Variants in BIVM observed in about 807,000 individuals in gnomAD.
BIVM encodes basic, immunoglobulin-like variable motif containing, also known as basic immunoglobulin-like variable motif-containing protein.
A neutral mutation model predicts 61.4 loss-of-function variants in BIVM; 31 were observed. The ratio of observed to expected loss-of-function variants is 0.51; its 90% CI spans 0.38 to 0.68. The LOEUF (loss-of-function observed/expected upper bound fraction) is 0.68, where lower values mean the gene tolerates loss of function less well. Ranked by LOEUF, BIVM falls within the 30% of genes least tolerant of loss-of-function variation. The pLI, the probability that BIVM is intolerant of heterozygous loss-of-function variation, is 0.00. For synonymous variants in BIVM, 189 were observed against 210.7 expected, an observed-to-expected ratio of 0.90 and a Z score of 0.89; for missense variants, 526 against 596.0, an observed-to-expected ratio of 0.88 and a Z score of 1.22.
chr13:102,838,333 G>A lies in BIVM; in HGVS notation c.1122-310G>A, dbSNP rs139736471. ...CATTCTTTTAAAAGTGGACTTGACT[G>A]TAATTGAAAAGGAAATATAGCATAT... On this transcript the variant is annotated intron_variant, in intron 9 of 10. Coordinates refer to ENST00000257336, the MANE Select transcript of BIVM (RefSeq NM_017693.4). Among the ~76,000 whole-genome samples the A allele has an allele frequency of 2.0e-3, 307 of 152,286 alleles. 2 individuals are homozygous for A. The highest frequency in any genetic ancestry group is 6.8e-3 in the Middle Eastern group (2 of 294).
intron 4 of BIVM, among the ~76,000 whole-genome samples, chr13:102,819,214 TA>T (rs1164575051): frequency 6.6e-6 from 1 of 152,094 alleles, no homozygotes; most frequent in Non-Finnish European, 1.5e-5. Flanking sequence ...TTTCCAGGGA[TA>T]GGGGAAAGGG....
intron 7 of BIVM, among the ~76,000 whole-genome samples, chr13:102,822,988 G>T (rs1210284889): frequency 6.6e-6 from 1 of 152,154 alleles, no homozygotes; most frequent in Non-Finnish European, 1.5e-5. Context: ...AGGGTCAAGG[G>T]TATGGGGATT....
chr13:102,821,059 T>C lies in BIVM; in HGVS notation c.628T>C (p.Tyr210His), dbSNP rs1199925455. ...RRWYCISRPQ[Y>H]KTSCGISSLI... ...CAGGTACTGCATAAGCCGACCACAG[T>C]ATAAGACTTCTTGTGGCATCTCTTC... The change falls in exon 5 of 11, where the codon TAT becomes CAT. Residue 210 changes from tyrosine (Y) to histidine (H), a missense_variant. This residue lies in a region of BIVM where 312 missense variants were observed against 343.8 expected (regional missense o/e 0.91). Coordinates refer to ENST00000257336, the MANE Select transcript of BIVM (RefSeq NM_017693.4). 1 of 1,613,620 alleles carries C rather than the reference T, an allele frequency of 6.2e-7. No homozygotes were observed. Among genetic ancestry groups the C allele is most frequent in the Non-Finnish European group, 8.5e-7 (1 of 1,179,876 alleles).
intron 7 of BIVM, among the ~76,000 whole-genome samples, chr13:102,825,975 T>C (rs1184392898): frequency 6.6e-6 from 1 of 152,190 alleles, no homozygotes; most frequent in African/African-American, 2.4e-5. Flanking sequence ...TCTTGAGGAT[T>C]AGGCCAAGTT....
chr13:102,831,707 G>T lies in BIVM; in HGVS notation c.1034+10G>T. The stretch of plus-strand genomic sequence containing the variant: ...CTAATAAAGCATTCAGGTAAGCATT[G>T]ACGTGTTTTAGAAAGTGCATTTTAA... On this transcript the variant is annotated intron_variant, in intron 8 of 10. Coordinates refer to ENST00000257336, the MANE Select transcript of BIVM (RefSeq NM_017693.4). 1 of 1,613,888 alleles carries T rather than the reference G, an allele frequency of 6.2e-7. No homozygotes were observed. The highest frequency in any genetic ancestry group is 8.5e-7 in the Non-Finnish European group (1 of 1,179,948).
intron 3 of BIVM, among the ~76,000 whole-genome samples, chr13:102,815,405 T>G (rs1345921594): frequency 1.3e-5 from 2 of 152,178 alleles, no homozygotes; most frequent in African/African-American, 4.8e-5. Context: ...TCTGAAATCT[T>G]AATAGTATTT....
At chr13:102,803,715 C>G (rs1472260006) in intron 1 of BIVM, among the ~76,000 whole-genome samples, 1 of 152,066 alleles carries the variant, frequency 6.6e-6, no homozygotes, top group Non-Finnish European at 1.5e-5. Flanking sequence ...TATGCTCTTT[C>G]ATTCCTCACC....
intron 7 of BIVM, among the ~76,000 whole-genome samples, chr13:102,829,415 G>A (rs139609692): frequency 1.1e-4 from 17 of 152,242 alleles, no homozygotes; most frequent in Admixed American, 1.1e-3. Flanking sequence ...TGTTGCTTAA[G>A]TTTCAGATTT....
Position 102,807,011 on chromosome 13 carries a change from T to G in BIVM, c.-122-135T>G. On this transcript the variant is annotated intron_variant, in intron 2 of 10. Transcript: ENST00000257336. The surrounding 1 kb of genome is among the most constrained non-coding windows in gnomAD (Gnocchi z 4.0). ...ACTAATTTAAAAAATAAGATAGTGA[T>G]TGTGACTCCAGTCATATAGTAGTTG... 1 of 357,028 alleles carries G rather than the reference T, an allele frequency of 2.8e-6. No homozygotes were observed. The highest frequency in any genetic ancestry group is 7.5e-4 in the Middle Eastern group (1 of 1,336). The allele number at this position is 357,028 out of a possible 1,614,324, so 22.1% of individuals were successfully genotyped here. A position where few individuals can be genotyped will look rare whatever the true frequency, so the allele number is the denominator to read the frequency against.
chr13:102,829,738 C>G (rs1347002631), intron 7 of BIVM, among the ~76,000 whole-genome samples: 6 of 152,010 alleles, frequency 3.9e-5, no homozygotes, highest in Non-Finnish European at 7.4e-5. Flanking sequence ...ACTTGGGAGG[C>G]TGAGGCATGA....
chr13:102,804,059 A>G (rs1310547604), intron 1 of BIVM, among the ~76,000 whole-genome samples: 1 of 152,254 alleles, frequency 6.6e-6, no homozygotes, highest in Non-Finnish European at 1.5e-5. Flanking sequence ...AGGAGGTTCC[A>G]CCTTTCGTGG....
Position 102,831,603 on chromosome 13 carries a change from GATGA to G in BIVM, c.943_946del (p.Glu315ArgfsTer44). 1.2e-6 allele frequency: 2 copies of G among 1,614,142 alleles called. No homozygotes were observed. Among genetic ancestry groups the G allele is most frequent in the Non-Finnish European group, 1.7e-6 (2 of 1,180,032 alleles). The stretch of plus-strand genomic sequence containing the variant: ...GTCAAAGTTAACCCGTGGATTGAAA[GATGA>G]ATCGCTGGCTTATATCTATCATTGC... On this transcript the variant is annotated frameshift_variant, in exon 8 of 11. Coordinates refer to ENST00000257336, the MANE Select transcript of BIVM (RefSeq NM_017693.4). LOFTEE classifies it high-confidence loss of function.
Position 102,816,442 on chromosome 13 carries a change from C to G in BIVM, c.493C>G (p.Gln165Glu), listed in dbSNP as rs779765959. Residue 165 changes from glutamine (Q) to glutamate (E), a missense_variant, in exon 4 of 11, where the codon CAA becomes GAA. Physicochemically the swap from Gln to Glu is conservative, Grantham distance 29 (BLOSUM62 2). Around this residue, in one of 3 missense-constraint regions of BIVM, gnomAD observed 312 missense variants for 343.8 expected, o/e 0.91. Coordinates refer to ENST00000257336, the MANE Select transcript of BIVM (RefSeq NM_017693.4). ...SKHKSGNAKK[Q>E]VSKRKTSDKK... ...TTGTATTCTAGGCAATGCAAAGAAACAAGTTTCCAAGAGAAAAACTTCAGA... is the reference window on the plus strand; with the variant it reads ...TTGTATTCTAGGCAATGCAAAGAAAGAAGTTTCCAAGAGAAAAACTTCAGA... 32 of 1,580,590 alleles carry G rather than the reference C, an allele frequency of 2.0e-5. No homozygotes were observed. The African/African-American group carries it at 4.4e-4, about 22-fold the overall frequency.
intron 4 of BIVM, 83 bp downstream of exon 4, chr13:102,816,637 C>A: frequency 8.5e-7 from 1 of 1,176,764 alleles, no homozygotes; most frequent in Non-Finnish European, 1.1e-6. Context: ...CAAATTAATA[C>A]ATTATATGTA....
intron 7 of BIVM, among the ~76,000 whole-genome samples, chr13:102,829,704 T>C (rs1880928603): frequency 6.6e-6 from 1 of 151,920 alleles, no homozygotes; most frequent in South Asian, 2.1e-4. Flanking sequence ...CTGGGCGTGG[T>C]GGTGAGTGCA....
chr13:102,815,133 C>T (rs1487649255), intron 3 of BIVM, among the ~76,000 whole-genome samples: 12 of 152,192 alleles, frequency 7.9e-5, no homozygotes, highest in Non-Finnish European at 1.5e-4. Context: ...ATTATTATTA[C>T]ATTTTTACAG....
rs778844204 is a variant in BIVM at position 102,839,892 on chromosome 13, TTA to T, written c.*33_*34del. ...TATGCTTGCTACTGAACAGCTGGCA[TTA>T]TATATGAAACTGCTATATACAGGAC... On this transcript the variant is annotated 3_prime_UTR_variant, in exon 11 of 11. Coordinates refer to ENST00000257336, the MANE Select transcript of BIVM (RefSeq NM_017693.4). 6.3e-7 allele frequency: 1 copy of T among 1,591,554 alleles called. No individual in the cohort carries two copies. The highest frequency in any genetic ancestry group is 1.7e-5 in the Admixed American group (1 of 58,828).
At chr13:102,833,308 G>A (rs985913829) in intron 8 of BIVM, among the ~76,000 whole-genome samples, 2 of 113,644 alleles carry the variant, frequency 1.8e-5, no homozygotes, top group Non-Finnish European at 4.3e-5. Context: ...GGATTGGCTT[G>A]GTCATGGGGA....
In BIVM at chr13:102,821,050, C is replaced by T. The variant is rs145315274; in HGVS notation, c.619C>T (p.Arg207Ter). ...TTGTGTTCTCAGGTACTGCATAAGC[C>T]GACCACAGTATAAGACTTCTTGTGG... is the stretch of plus-strand genomic sequence containing the variant. ...LDLRRWYCIS[R>*]PQYKTSCGIS... The change falls in exon 5 of 11, where the codon CGA (arginine) becomes TGA (stop). Residue 207 changes from arginine to a stop codon, truncating the protein, a stop_gained. Coordinates refer to ENST00000257336, the MANE Select transcript of BIVM (RefSeq NM_017693.4). LOFTEE classifies it high-confidence loss of function. 17 of 1,612,622 alleles carry T rather than the reference C, an allele frequency of 1.1e-5. No homozygotes were observed. The highest frequency in any genetic ancestry group is 1.4e-5 in the Non-Finnish European group (16 of 1,179,716).
Sources: allele counts gnomAD v4.1 joint callset (sites outside exome capture counted in the v4.1 genomes callset), GRCh38; gene constraint gnomAD v4.1.1; regional missense constraint gnomAD v4.1.1; non-coding constraint Gnocchi (gnomAD v3.1); transcripts MANE v1.5; gene names NCBI Gene and HGNC (gene_info 2026-07-23, HGNC 2026-07-21).